Variants in PTBP1 observed in about 807,000 individuals in gnomAD.
PTBP1 encodes polypyrimidine tract binding protein 1.
PTBP1 carries 8 observed loss-of-function variants against 59.8 expected under a neutral mutation model. The observed-to-expected ratio is 0.13, with a 90% CI of 0.08 to 0.24. PTBP1 has a LOEUF of 0.24. Ranked by LOEUF, PTBP1 falls within the 10% of genes least tolerant of loss-of-function variation. PTBP1 has a pLI of 1.00. For synonymous variants in PTBP1, 490 were observed against 320.7 expected, an observed-to-expected ratio of 1.53 and a Z score of -5.64; for missense variants, 686 against 767.0, an observed-to-expected ratio of 0.89 and a Z score of 1.25.
At chr19:797,943 C>G (rs1209994684) in intron 1 of PTBP1, among the ~76,000 whole-genome samples, 1 of 148,880 alleles carries the variant, frequency 6.7e-6, no homozygotes, top group Non-Finnish European at 1.5e-5. Flanking sequence ...AGCGCGCGTG[C>G]GCGGCCGCCA....
Position 807,866 on chromosome 19 carries a change from A to AAT in PTBP1, c.1120-2_1120-1insTA. On this transcript the variant is annotated splice_region_variant and splice_polypyrimidine_tract_variant and intron_variant, in intron 10 of 14. Transcript: ENST00000356948. ...CCGCTGCCTTGCTCTGCTGTCTCTAAAGAGAGTCACACCCCAAAGCCTCTT... is the reference window on the plus strand; with the variant it reads ...CCGCTGCCTTGCTCTGCTGTCTCTAAATAGAGAGTCACACCCCAAAGCCTCTT... 1 of 1,613,438 alleles carries AAT rather than the reference A, an allele frequency of 6.2e-7. No homozygotes were observed. Among genetic ancestry groups the AAT allele is most frequent in the Non-Finnish European group, 8.5e-7 (1 of 1,179,546 alleles).
chr19:804,414 G>C lies in PTBP1; in HGVS notation c.411G>C (p.Lys137Asn). ...YIQFSNHKELKTDSSPNQARA... is the reference protein window; with the variant it reads ...YIQFSNHKELNTDSSPNQARA... The stretch of plus-strand genomic sequence containing the variant: ...AGTTCTCCAACCACAAGGAGCTGAA[G>C]ACCGACAGCTCTCCCAACCAGGCGG... The change falls in exon 5 of 15, where the codon AAG (lysine) becomes AAC (asparagine). Residue 137 changes from lysine (K) to asparagine (N), a missense_variant. Transcript: ENST00000356948. 6.2e-7 allele frequency: 1 copy of C among 1,611,908 alleles called. No homozygotes were observed. The highest frequency in any genetic ancestry group is 8.5e-7 in the Non-Finnish European group (1 of 1,179,992).
In PTBP1 at chr19:810,867, C is replaced by A; in HGVS notation, c.*41C>A. ...CGGCCGGGCCCCCTGGCGACAACTT[C>A]CATCATTCCAGAGAAAAGCCACTTT... On this transcript the variant is annotated 3_prime_UTR_variant, in exon 15 of 15. Coordinates refer to ENST00000356948, the MANE Select transcript of PTBP1 (RefSeq NM_002819.5). 4.0e-6 allele frequency: 6 copies of A among 1,493,612 alleles called. No individual in the cohort carries two copies. The highest frequency in any genetic ancestry group is 5.3e-6 in the Non-Finnish European group (6 of 1,128,794). 92.5% of individuals were successfully genotyped at this position (1,493,612 alleles called of 1,614,324 possible). A position where few individuals can be genotyped will look rare whatever the true frequency, so the allele number is the denominator to read the frequency against.
chr19:811,912 C>G lies in PTBP1; in HGVS notation c.*1086C>G, dbSNP rs1239391959. 7.8e-6 allele frequency: 1 copy of G among 128,208 alleles called. No individual in the cohort carries two copies. The highest frequency in any genetic ancestry group is 1.8e-5 in the Non-Finnish European group (1 of 55,870). 7.9% of individuals were successfully genotyped at this position (128,208 alleles called of 1,614,324 possible). A position where few individuals can be genotyped will look rare whatever the true frequency, so the allele number is the denominator to read the frequency against. On this transcript the variant is annotated 3_prime_UTR_variant, in exon 15 of 15. Transcript: ENST00000356948. The stretch of plus-strand genomic sequence containing the variant: ...GCCTCTGATGCTGGGACCCGGAAGG[C>G]GGGCGCTCCTCCTGTCTTCTCTGTG...
At chr19:805,441 G>C (rs117971528) in intron 8 of PTBP1, 51 bp from the exon 9 acceptor site, 97,185 of 1,538,482 alleles carry the variant, frequency 0.063, 3,759 homozygotes, top group Non-Finnish European at 0.075. Context: ...CACAGCGCCC[G>C]CTCGCGGTGG....
rs1265053905 is a variant in PTBP1 at position 811,964 on chromosome 19, C to G, written c.*1138C>G. ...TCTTTCTACCGCCCCCGCGTCCTGT[C>G]CCGGGGGCTCTCCTAGGATCCCCTT... is the stretch of plus-strand genomic sequence containing the variant. On this transcript the variant is annotated 3_prime_UTR_variant, in exon 15 of 15. Transcript: ENST00000356948. 6.6e-6 allele frequency: 1 copy of G among 152,386 alleles called. No individual in the cohort carries two copies. The highest frequency in any genetic ancestry group is 2.4e-5 in the African/African-American group (1 of 41,428). 9.4% of individuals were successfully genotyped at this position (152,386 alleles called of 1,614,324 possible).
At chr19:799,078 CCT>C (rs1189492381) in intron 1 of PTBP1, among the ~76,000 whole-genome samples, 35 of 152,236 alleles carry the variant, frequency 2.3e-4, no homozygotes, top group Non-Finnish European at 2.9e-4. Context: ...GCCCTTGAAC[CCT>C]CTCAGCGGCA....
At chr19:803,711 G>C in intron 3 of PTBP1, 75 bp downstream of exon 3, 1 of 1,355,590 alleles carries the variant, frequency 7.4e-7, no homozygotes, top group Non-Finnish European at 1.0e-6. Context: ...CTTGTTCTGG[G>C]ACTCTACTTT....
chr19:806,330 G>C (rs1228331626), intron 9 of PTBP1, 78 bp from the exon 10 acceptor site: 2 of 1,451,386 alleles, frequency 1.4e-6, no homozygotes, highest in Admixed American at 5.0e-5. Context: ...CGGTGCATGA[G>C]GACGGGGAGC....
intron 9 of PTBP1, chr19:806,102 C>A: frequency 3.1e-6 from 1 of 325,626 alleles, no homozygotes; most frequent in Non-Finnish European, 5.6e-6. Flanking sequence ...ACGGGCCCTG[C>A]TTGCCGAGGG....
rs753689533 is a variant in PTBP1, at chr19:804,444, T to G, written c.435+6T>G. The G allele has an allele frequency of 1.9e-6, 3 of 1,609,524 alleles. No individual in the cohort carries two copies. In the Admixed American group the frequency reaches 5.0e-5, roughly 27 times the overall value. Reference sequence around the variant, plus strand: ...ACAGCTCTCCCAACCAGGCGGTGCGTGGCCCCGCGGCGGACCCCAGCAGCC... The same window carrying G: ...ACAGCTCTCCCAACCAGGCGGTGCGGGGCCCCGCGGCGGACCCCAGCAGCC... On this transcript the variant is annotated splice_donor_region_variant and intron_variant, in intron 5 of 14. Coordinates refer to ENST00000356948, the MANE Select transcript of PTBP1 (RefSeq NM_002819.5).
chr19:802,999 G>C (rs773121188), intron 2 of PTBP1, among the ~76,000 whole-genome samples: 5 of 152,242 alleles, frequency 3.3e-5, no homozygotes, highest in Non-Finnish European at 7.3e-5. Flanking sequence ...CGTGTGCAGA[G>C]ACGGAGGTCG....
chr19:799,129 T>C (rs1018970359), intron 1 of PTBP1, among the ~76,000 whole-genome samples: 18 of 152,252 alleles, frequency 1.2e-4, no homozygotes, highest in Non-Finnish European at 1.5e-5. Context: ...GGTGTCTTTG[T>C]CTTGGAACGT....
chr19:799,760 C>T (rs780423341), intron 2 of PTBP1, among the ~76,000 whole-genome samples: 1 of 152,182 alleles, frequency 6.6e-6, no homozygotes, highest in African/African-American at 2.4e-5. Flanking sequence ...AGGCTGGAAT[C>T]GTGCCGTTCA....
At chr19:798,383 G>A (rs951246930) in intron 1 of PTBP1, 4 of 152,314 alleles carry the variant, frequency 2.6e-5, no homozygotes, top group Non-Finnish European at 4.4e-5. Context: ...AATAGGAAGC[G>A]GGAGAGGCTG....
At position 804,685 on chromosome 19, in the gene PTBP1, C is replaced by G. The variant is rs780139995; in HGVS notation, c.589C>G (p.Leu197Val). The G allele has an allele frequency of 6.2e-7, 1 of 1,612,650 alleles. No individual in the cohort carries two copies. Among genetic ancestry groups the G allele is most frequent in the South Asian group, 1.1e-5 (1 of 91,002 alleles). ...GGAGAACCTCTTCTACCCTGTGACC[C>G]TGGATGTGCTGCACCAGGTGAGGTG... is the stretch of plus-strand genomic sequence containing the variant. ...IVENLFYPVT[L>V]DVLHQIFSKF... Residue 197 changes from leucine (L) to valine (V), a missense_variant, in exon 6 of 15, where the codon CTG (leucine) becomes GTG (valine). Transcript: ENST00000356948.
At chr19:805,734 C>T in intron 9 of PTBP1, 165 bp downstream of exon 9, 1 of 662,304 alleles carries the variant, frequency 1.5e-6, no homozygotes, top group East Asian at 2.6e-5. Flanking sequence ...CAGGCTTGGC[C>T]AGGGCAGTGG....
rs1311651226 is a variant in PTBP1 at position 811,108 on chromosome 19, G to A, written c.*282G>A. ...CCATGCCTTGGTGGGGCCTGTGTCG[G>A]GCGTGGGGCCTGCAGGTGGGCGCCC... is the stretch of plus-strand genomic sequence containing the variant. On this transcript the variant is annotated 3_prime_UTR_variant, in exon 15 of 15. Coordinates refer to ENST00000356948, the MANE Select transcript of PTBP1 (RefSeq NM_002819.5). 3.1e-6 allele frequency: 1 copy of A among 322,566 alleles called. No individual in the cohort carries two copies. The highest frequency in any genetic ancestry group is 2.2e-5 in the African/African-American group (1 of 46,412). The allele number at this position is 322,566 out of a possible 1,614,324, so 20.0% of individuals were successfully genotyped here.
At chr19:799,478 CCT>C in intron 2 of PTBP1, 35 bp downstream of exon 2, 1 of 1,611,558 alleles carries the variant, frequency 6.2e-7, no homozygotes, top group East Asian at 2.2e-5. Flanking sequence ...CCGTGACGCT[CCT>C]CTGACCTTGT....
Sources: allele counts gnomAD v4.1 joint callset (sites outside exome capture counted in the v4.1 genomes callset), GRCh38; gene constraint gnomAD v4.1.1; transcripts MANE v1.5; gene names NCBI Gene and HGNC (gene_info 2026-07-23, HGNC 2026-07-21).